SLC30A10: variants seen among roughly 807,000 people sequenced by gnomAD.
SLC30A10 encodes the protein calcium/manganese antiporter SLC30A10.
In SLC30A10, 8 loss-of-function variants were observed where a neutral mutation model predicts 21.7. The ratio of observed to expected loss-of-function variants is 0.37; its 90% CI spans 0.22 to 0.67. The LOEUF is 0.67. Among genes scored for constraint, SLC30A10 ranks in the 30% least tolerant of loss-of-function variants. The probability of loss-of-function intolerance (pLI) is 0.58; values close to 1 mark genes in which losing one functional copy is unlikely to be tolerated. For missense variants in SLC30A10, 521 were observed against 642.5 expected, an observed-to-expected ratio of 0.81 and a Z score of 2.04; for synonymous variants, 272 against 279.4, an observed-to-expected ratio of 0.97 and a Z score of 0.26.
chr1:219,925,651 A>ATATATTTTTTTT (rs1317554458), intron 2 of SLC30A10, among the ~76,000 whole-genome samples: 4 of 48,284 alleles, frequency 8.3e-5, no homozygotes, highest in African/African-American at 4.7e-4. Flanking sequence ...ATATATATAT[A>ATATATTTTTTTT]TTTTTTTTTT....
At position 219,928,455 on chromosome 1, in the gene SLC30A10, C is replaced by T. The variant is rs750905818; in HGVS notation, c.-15G>A. On this transcript the variant is annotated 5_prime_UTR_variant, in exon 1 of 4. Coordinates refer to ENST00000366926, the MANE Select transcript of SLC30A10 (RefSeq NM_018713.3). This position sits in a 1 kb window ranked among gnomAD's most constrained non-coding sequence, Gnocchi z 6.3. ...TAGCGGCCCATCTCGCCACCAGCCC[C>T]GGGCGCCCGGCGCCGCCCAGGGGAG... 5.0e-5 allele frequency: 80 copies of T among 1,590,732 alleles called. No homozygotes were observed. Among genetic ancestry groups the T allele is most frequent in the East Asian group, 6.8e-5 (3 of 44,094 alleles).
chr1:219,956,674 AAAAG>A (rs898382236), intron 1 of SLC30A10, among the ~76,000 whole-genome samples: 1 of 151,776 alleles, frequency 6.6e-6, no homozygotes, highest in African/African-American at 2.4e-5. Context: ...AAAAAAAAAA[AAAAG>A]AAGAAAAGAA....
intron 1 of SLC30A10, among the ~76,000 whole-genome samples, chr1:219,939,917 A>G (rs1660098733): frequency 6.6e-6 from 1 of 152,322 alleles, no homozygotes; most frequent in South Asian, 2.1e-4. Context: ...AGTCTTTTGC[A>G]TGTGGAAGTG....
chr1:219,921,046 T>TAAAGAAAACAAGCCGCGTGGA (rs1337536571), intron 2 of SLC30A10, among the ~76,000 whole-genome samples: 1 of 152,222 alleles, frequency 6.6e-6, no homozygotes, highest in African/African-American at 2.4e-5. Flanking sequence ...AAACCAGCTA[T>TAAAGAAAACAAGCCGCGTGGA]AAAGAAAACA....
chr1:219,945,169 A>G (rs1660171063), intron 1 of SLC30A10, among the ~76,000 whole-genome samples: 3 of 152,264 alleles, frequency 2.0e-5, no homozygotes, highest in Admixed American at 6.5e-5. Context: ...GCATAGAGAT[A>G]GGGTGTAAAG....
intron 1 of SLC30A10, among the ~76,000 whole-genome samples, chr1:219,957,323 C>A (rs1417908253): frequency 6.6e-6 from 1 of 152,176 alleles, no homozygotes; most frequent in East Asian, 1.9e-4. Context: ...CCGGCTCCAA[C>A]TGACGTAATT....
intron 1 of SLC30A10, among the ~76,000 whole-genome samples, chr1:219,955,479 G>C (rs1660336029): frequency 6.6e-6 from 1 of 151,942 alleles, no homozygotes; most frequent in Non-Finnish European, 1.5e-5. Flanking sequence ...AAAATTTTCT[G>C]GTTCTGTATG....
Position 219,927,103 on chromosome 1 carries a change from C to A in SLC30A10, c.643G>T (p.Asp215Tyr). Residue 215 changes from aspartate to tyrosine, a missense_variant and splice_region_variant, in exon 2 of 4, where the codon GAT (aspartate) becomes TAT (tyrosine). Asp to Tyr is a radical substitution (Grantham distance 160). Transcript: ENST00000366926. Reference sequence around the variant, plus strand: ...GGCTCATTCTGGGTGTTGAAGGAATCACCTGCATTCAAAGAAGAAACCTTG... The same window carrying A: ...GGCTCATTCTGGGTGTTGAAGGAATAACCTGCATTCAAAGAAGAAACCTTG... ...GATVFANVAG[D>Y]SFNTQNEPED... is the part of the protein sequence containing the mutation. The A allele has an allele frequency of 6.2e-7, 1 of 1,613,822 alleles. No individual in the cohort carries two copies. Among genetic ancestry groups the A allele is most frequent in the Non-Finnish European group, 8.5e-7 (1 of 1,179,918 alleles).
At chr1:219,917,867 C>G (rs1157608431) in intron 3 of SLC30A10, among the ~76,000 whole-genome samples, 1 of 151,930 alleles carries the variant, frequency 6.6e-6, no homozygotes, top group African/African-American at 2.4e-5. Flanking sequence ...CGTGCTACCA[C>G]GCCTGGCTAA....
chr1:219,939,523 A>G (rs1301758517), intron 1 of SLC30A10, among the ~76,000 whole-genome samples: 2 of 151,884 alleles, frequency 1.3e-5, no homozygotes, highest in African/African-American at 2.4e-5. Context: ...CCACCCCCCC[A>G]GGTTCAAGTG....
At chr1:219,944,217 G>A (rs1038788497) in intron 1 of SLC30A10, among the ~76,000 whole-genome samples, 9 of 151,776 alleles carry the variant, frequency 5.9e-5, no homozygotes, top group African/African-American at 2.2e-4. Flanking sequence ...GGAGGCCAAG[G>A]CGGGCAGATC....
chr1:219,935,501 T>C (rs951320567), intron 1 of SLC30A10, among the ~76,000 whole-genome samples: 10 of 152,258 alleles, frequency 6.6e-5, no homozygotes, highest in African/African-American at 2.4e-4. Context: ...TTTGGAGCCA[T>C]GCACATCTAA....
chr1:219,949,753 T>TAATAA (rs915738125), intron 1 of SLC30A10, among the ~76,000 whole-genome samples: 4 of 150,438 alleles, frequency 2.7e-5, no homozygotes, highest in South Asian at 2.1e-4. Flanking sequence ...AGTATAATAA[T>TAATAA]AATAAAATAA....
chr1:219,923,657 GT>G (rs1659749168), intron 2 of SLC30A10, among the ~76,000 whole-genome samples: 1 of 152,174 alleles, frequency 6.6e-6, no homozygotes, highest in Non-Finnish European at 1.5e-5. Flanking sequence ...AATACATCAT[GT>G]TTGATCCTAT....
intron 1 of SLC30A10, among the ~76,000 whole-genome samples, chr1:219,934,123 C>T (rs1267597944): frequency 6.6e-6 from 1 of 152,188 alleles, no homozygotes; most frequent in African/African-American, 2.4e-5. Flanking sequence ...CTCGTCTGTA[C>T]TAAAAATACA....
intron 1 of SLC30A10, among the ~76,000 whole-genome samples, chr1:219,946,221 A>G (rs1660185179): frequency 6.6e-6 from 1 of 152,174 alleles, no homozygotes; most frequent in South Asian, 2.1e-4. Context: ...TTGTGTCACT[A>G]TATAATTGCC....
chr1:219,913,488 T>G lies in SLC30A10; in HGVS notation c.*1961A>C, dbSNP rs1052402652. 4.6e-5 allele frequency: 7 copies of G among 152,186 alleles called. No homozygotes were observed. Among genetic ancestry groups the G allele is most frequent in the Non-Finnish European group, 8.8e-5 (6 of 68,042 alleles). 9.4% of individuals were successfully genotyped at this position (152,186 alleles called of 1,614,324 possible). On this transcript the variant is annotated 3_prime_UTR_variant, in exon 4 of 4. Coordinates refer to ENST00000366926, the MANE Select transcript of SLC30A10 (RefSeq NM_018713.3). ...GTGAAATCAAATTAGACCTTCAAAT[T>G]TGGAAGTCAGAGAAAAATTTCTTTT...
At chr1:219,946,263 G>A (rs1660185751) in intron 1 of SLC30A10, among the ~76,000 whole-genome samples, 1 of 152,150 alleles carries the variant, frequency 6.6e-6, no homozygotes, top group Non-Finnish European at 1.5e-5. Flanking sequence ...GGGGGCCTCA[G>A]AGTTAATTTA....
rs1659436726 is a variant in SLC30A10 at position 219,912,479 on chromosome 1, T to C, written c.*2970A>G. 6.6e-6 allele frequency among the ~76,000 whole-genome samples: 1 copy of C among 152,106 alleles called. No individual in the cohort carries two copies. Among genetic ancestry groups the C allele is most frequent in the Non-Finnish European group, 1.5e-5 (1 of 68,030 alleles). ...CAGTAGGGCCGTGTAGAAGGCCAGG[T>C]GAGCACACAGGACAACTGGTCCCTG... On this transcript the variant is annotated 3_prime_UTR_variant, in exon 4 of 4. Transcript: ENST00000366926.
Sources: gnomAD v4.1 joint callset for allele counts (sites outside exome capture counted in the v4.1 genomes callset) on GRCh38, gnomAD v4.1.1 for gene constraint, Gnocchi (gnomAD v3.1) non-coding constraint, MANE v1.5 for transcripts, NCBI Gene and HGNC (gene_info 2026-07-23, HGNC 2026-07-21) for gene names.